The following CTTN variants were observed in gnomAD, a reference collection of about 807,000 sequenced individuals.
CTTN encodes the protein src substrate cortactin.
In CTTN, 28 loss-of-function variants were observed where a neutral mutation model predicts 84.0. The ratio of observed to expected loss-of-function variants is 0.33; its 90% CI spans 0.25 to 0.46. CTTN has a LOEUF of 0.46. Among genes scored for constraint, CTTN ranks in the 20% least tolerant of loss-of-function variants. CTTN has a pLI of 1.00. For missense variants in CTTN, 641 were observed against 723.8 expected (o/e 0.89, Z 1.31); for synonymous variants, 301 against 288.8 (o/e 1.04, Z -0.43).
intron 15 of CTTN, among the ~76,000 whole-genome samples, chr11:70,432,069 T>A (rs1565500631): frequency 6.6e-6 from 1 of 152,158 alleles, no homozygotes; most frequent in African/African-American, 2.4e-5. Flanking sequence ...GAGAGAGCCC[T>A]GGAGACAGGC....
At chr11:70,433,816 T>C (rs1457672962) in intron 17 of CTTN, 98 bp downstream of exon 17, 1 of 844,858 alleles carries the variant, frequency 1.2e-6, no homozygotes, top group Non-Finnish European at 2.0e-6. Flanking sequence ...TTGTTAGTTT[T>C]AGAAGTAATT....
intron 10 of CTTN, among the ~76,000 whole-genome samples, chr11:70,420,831 A>C (rs1301401950): frequency 6.8e-6 from 1 of 146,942 alleles, no homozygotes; most frequent in African/African-American, 2.5e-5. Context: ...GGCTGGGTTT[A>C]CCCGGGAGTG....
chr11:70,435,877 C>T lies in CTTN; in HGVS notation c.*715C>T. 2 of 1,496,020 alleles carry T rather than the reference C, an allele frequency of 1.3e-6. No homozygotes were observed. Among genetic ancestry groups the T allele is most frequent in the Non-Finnish European group, 1.8e-6 (2 of 1,132,230 alleles). 92.7% of individuals were successfully genotyped at this position (1,496,020 alleles called of 1,614,324 possible). On this transcript the variant is annotated 3_prime_UTR_variant, in exon 18 of 18. Coordinates refer to ENST00000301843, the MANE Select transcript of CTTN (RefSeq NM_005231.4). ...CTCCTGTCCCCGCCGGGCAGTGTCA[C>T]TGAGTCCTTGAAATCCTCCCCTGCC...
intron 7 of CTTN, 82 bp downstream of exon 7, chr11:70,415,799 C>T (rs954924290): frequency 1.1e-4 from 153 of 1,384,960 alleles, no homozygotes; most frequent in Non-Finnish European, 1.4e-4. Context: ...CGTTTCCCCG[C>T]GCTCCGGGGG....
intron 12 of CTTN, 141 bp from the exon 13 acceptor site, chr11:70,425,191 G>A (rs1247911778): frequency 3.3e-6 from 2 of 602,510 alleles, no homozygotes; most frequent in Non-Finnish European, 3.0e-6. Flanking sequence ...GCAAAACCGA[G>A]AGGCCATGAA....
At chr11:70,413,110 A>G (rs2058113672) in intron 5 of CTTN, among the ~76,000 whole-genome samples, 1 of 152,230 alleles carries the variant, frequency 6.6e-6, no homozygotes, top group African/African-American at 2.4e-5. Flanking sequence ...ACGTGGGAAG[A>G]AGAGGGCGCA....
chr11:70,410,057 GT>G, intron 5 of CTTN, 97 bp downstream of exon 5: 1 of 1,357,994 alleles, frequency 7.4e-7, no homozygotes, highest in Non-Finnish European at 1.0e-6. Context: ...TAGATCAGCA[GT>G]TTTGAGTCCA....
intron 17 of CTTN, 133 bp from the exon 18 acceptor site, chr11:70,434,893 C>T (rs2058397217): frequency 4.3e-6 from 4 of 919,974 alleles, no homozygotes; most frequent in African/African-American, 1.6e-5. Flanking sequence ...CAGGAGCCTC[C>T]GCGGTGGTCC....
At chr11:70,405,730 G>A (rs565401627) in intron 2 of CTTN, among the ~76,000 whole-genome samples, 3 of 152,322 alleles carry the variant, frequency 2.0e-5, no homozygotes, top group African/African-American at 7.2e-5. Flanking sequence ...AGCAGAGACT[G>A]TGCTCTGCTA....
intron 12 of CTTN, among the ~76,000 whole-genome samples, chr11:70,424,355 A>G (rs755864235): frequency 6.6e-6 from 1 of 152,010 alleles, no homozygotes; most frequent in Non-Finnish European, 1.5e-5. Flanking sequence ...TGAGCTTGTG[A>G]GCACGTGAGG....
At chr11:70,427,506 G>A (rs114615349) in intron 13 of CTTN, among the ~76,000 whole-genome samples, 5,542 of 152,316 alleles carry the variant, frequency 0.036, 360 homozygotes, top group African/African-American at 0.13. Flanking sequence ...TCGATGTTAC[G>A]TTGTTTAGGA....
chr11:70,399,911 CAA>C (rs1306782553), intron 1 of CTTN, among the ~76,000 whole-genome samples: 1 of 152,070 alleles, frequency 6.6e-6, no homozygotes, highest in African/African-American at 2.4e-5. Context: ...CGGCCGGGCC[CAA>C]GGCCGTGGCG....
intron 1 of CTTN, among the ~76,000 whole-genome samples, chr11:70,398,865 G>A (rs1177933944): frequency 6.6e-6 from 1 of 151,900 alleles, no homozygotes; most frequent in Non-Finnish European, 1.5e-5. Context: ...GGGGGCAAGG[G>A]GGCACGGAGG....
chr11:70,412,729 C>T (rs1242976067), intron 5 of CTTN, among the ~76,000 whole-genome samples: 1 of 152,182 alleles, frequency 6.6e-6, no homozygotes, highest in African/African-American at 2.4e-5. Flanking sequence ...GATCCCTTGT[C>T]TCCTTGCATC....
In CTTN at chr11:70,436,393, C is replaced by T. The variant is rs1287571290; in HGVS notation, c.*1231C>T. 3 of 1,598,312 alleles carry T rather than the reference C, an allele frequency of 1.9e-6. No homozygotes were observed. Among genetic ancestry groups the T allele is most frequent in the Non-Finnish European group, 2.5e-6 (3 of 1,179,770 alleles). ...CGTGGAAATGTCTCGGGACTTGGGT[C>T]CCGGAGTGCCCGTGAAGCGTGTTTT... On this transcript the variant is annotated 3_prime_UTR_variant, in exon 18 of 18. Transcript: ENST00000301843.
intron 5 of CTTN, among the ~76,000 whole-genome samples, chr11:70,412,103 A>T (rs962044651): frequency 2.0e-5 from 3 of 152,210 alleles, no homozygotes; most frequent in African/African-American, 7.2e-5. Flanking sequence ...CGCTCAGCTC[A>T]GGTCAGCACC....
intron 10 of CTTN, among the ~76,000 whole-genome samples, chr11:70,421,245 C>A (rs1387456124): frequency 6.6e-6 from 1 of 151,212 alleles, no homozygotes; most frequent in African/African-American, 2.4e-5. Flanking sequence ...TTAGGCTGTT[C>A]CAGATCTTCG....
chr11:70,434,299 C>T (rs2058389923), intron 17 of CTTN, among the ~76,000 whole-genome samples: 1 of 152,244 alleles, frequency 6.6e-6, no homozygotes, highest in South Asian at 2.1e-4. Flanking sequence ...TGCTGGGCCG[C>T]ATAGCATCCA....
At chr11:70,426,223 C>T (rs12792683) in intron 13 of CTTN, among the ~76,000 whole-genome samples, 28,502 of 151,978 alleles carry the variant, frequency 0.19, 3,225 homozygotes, top group Admixed American at 0.25. Context: ...CTGGCTAACA[C>T]GATGAAACCC....
Sources: allele counts gnomAD v4.1 joint callset (sites outside exome capture counted in the v4.1 genomes callset), GRCh38; gene constraint gnomAD v4.1.1; transcripts MANE v1.5; gene names NCBI Gene and HGNC (gene_info 2026-07-23, HGNC 2026-07-21).